The following IGF1R variants were observed in gnomAD, a reference collection of about 807,000 sequenced individuals.
The protein encoded by IGF1R is insulin like growth factor 1 receptor.
Under a neutral mutation model 144.6 loss-of-function variants are expected in IGF1R, and 44 were observed. That is an observed-to-expected ratio of 0.30 (90% confidence interval 0.24 to 0.39). The LOEUF (loss-of-function observed/expected upper bound fraction) is 0.39, where lower values mean the gene tolerates loss of function less well. Among genes scored for constraint, IGF1R ranks in the 10% least tolerant of loss-of-function variants. The pLI is 1.00. For synonymous variants in IGF1R, 795 were observed against 722.8 expected (o/e 1.10, Z -1.60); for missense variants, 1,355 against 1,833.7 (o/e 0.74, Z 4.77).
At chr15:98,837,625 GCCAAGGT>G (rs1167160867) in intron 2 of IGF1R, among the ~76,000 whole-genome samples, 10 of 150,882 alleles carry the variant, frequency 6.6e-5, no homozygotes, top group African/African-American at 2.4e-4. Flanking sequence ...ACCACAACTG[GCCAAGGT>G]CCTGTTTCTC....
chr15:98,894,788 C>T (rs556969683), intron 3 of IGF1R, among the ~76,000 whole-genome samples: 6 of 152,242 alleles, frequency 3.9e-5, no homozygotes, highest in African/African-American at 1.2e-4. Flanking sequence ...CCTATCTCAG[C>T]ACCTTGGGAG....
intron 2 of IGF1R, among the ~76,000 whole-genome samples, chr15:98,806,927 G>A (rs1317505443): frequency 6.6e-6 from 1 of 152,138 alleles, no homozygotes. Context: ...TTGGGAGGCC[G>A]AGGTGGATAG....
chr15:98,837,473 G>T (rs552430012), intron 2 of IGF1R, among the ~76,000 whole-genome samples: 1 of 151,956 alleles, frequency 6.6e-6, no homozygotes, highest in Non-Finnish European at 1.5e-5. Flanking sequence ...TCTCCTGACC[G>T]CCCACCTCGG....
At position 98,649,092 on chromosome 15, in the gene IGF1R, C is replaced by T. The variant is rs938679722; in HGVS notation, c.-490C>T. ...TTGACTCCGCGTTTCTGCCCCTCGC[C>T]GGCCTCGCCTGTGACCCGGACTTCG... is the stretch of plus-strand genomic sequence containing the variant. On this transcript the variant is annotated 5_prime_UTR_variant, in exon 1 of 21. Coordinates refer to ENST00000650285, the MANE Select transcript of IGF1R (RefSeq NM_000875.5). 116 of 219,254 alleles carry T rather than the reference C, an allele frequency of 5.3e-4. No homozygotes were observed. Among genetic ancestry groups the T allele is most frequent in the Non-Finnish European group, 9.0e-4 (98 of 109,298 alleles). The allele number at this position is 219,254 out of a possible 1,614,324, so 13.6% of individuals were successfully genotyped here.
In IGF1R at chr15:98,959,229, A is replaced by G. The variant is rs924668833; in HGVS notation, c.*1787A>G. The G allele has an allele frequency of 1.3e-5, 3 of 233,490 alleles. No homozygotes were observed. Among genetic ancestry groups the G allele is most frequent in the African/African-American group, 6.6e-5 (3 of 45,338 alleles). The allele number at this position is 233,490 out of a possible 1,614,324, so 14.5% of individuals were successfully genotyped here. ...TATTTTTTTAATTCTTGGGTACAAC[A>G]GCAGTGTTAACCGCAGACACTAGGC... On this transcript the variant is annotated 3_prime_UTR_variant, in exon 21 of 21. Coordinates refer to ENST00000650285, the MANE Select transcript of IGF1R (RefSeq NM_000875.5).
chr15:98,749,737 G>C (rs1028780669), intron 2 of IGF1R, among the ~76,000 whole-genome samples: 7 of 152,336 alleles, frequency 4.6e-5, no homozygotes, highest in African/African-American at 1.7e-4. Context: ...TTGCCTAAGA[G>C]ATTCGATTTG....
intron 5 of IGF1R, among the ~76,000 whole-genome samples, chr15:98,901,907 G>C (rs1054295412): frequency 2.6e-5 from 4 of 152,230 alleles, no homozygotes; most frequent in African/African-American, 9.6e-5. Context: ...TAACACTGGA[G>C]AGGTGGGTGG....
At chr15:98,910,323 G>A (rs1207653606) in intron 6 of IGF1R, among the ~76,000 whole-genome samples, 1 of 152,238 alleles carries the variant, frequency 6.6e-6, no homozygotes, top group Non-Finnish European at 1.5e-5. Flanking sequence ...TGACCTGTCA[G>A]ATCATAATAC....
chr15:98,676,183 C>G (rs1378484494), intron 1 of IGF1R, among the ~76,000 whole-genome samples: 3 of 152,030 alleles, frequency 2.0e-5, no homozygotes, highest in African/African-American at 7.2e-5. Flanking sequence ...CTCTGTTGCC[C>G]AAGCTGGAGT....
intron 1 of IGF1R, among the ~76,000 whole-genome samples, chr15:98,671,597 A>G (rs531252446): frequency 6.6e-6 from 1 of 152,312 alleles, no homozygotes; most frequent in South Asian, 2.1e-4. Context: ...AAGATTCAGA[A>G]AATAATGCAA....
chr15:98,676,201 C>T (rs756919044), intron 1 of IGF1R, among the ~76,000 whole-genome samples: 4 of 151,916 alleles, frequency 2.6e-5, no homozygotes, highest in Admixed American at 1.3e-4. Context: ...AGTGCAGTGG[C>T]GCCATCTCGG....
At chr15:98,914,781 C>T (rs1006924340) in intron 8 of IGF1R, among the ~76,000 whole-genome samples, 11 of 152,162 alleles carry the variant, frequency 7.2e-5, no homozygotes, top group East Asian at 1.9e-4. Context: ...TTACACGCAG[C>T]GGAGACAGAC....
intron 2 of IGF1R, among the ~76,000 whole-genome samples, chr15:98,812,438 T>C (rs1206060413): frequency 6.6e-6 from 1 of 151,720 alleles, no homozygotes; most frequent in Non-Finnish European, 1.5e-5. Context: ...TTCACTGCAA[T>C]CTCCGCCTCC....
chr15:98,781,638 T>A (rs2055863539), intron 2 of IGF1R, among the ~76,000 whole-genome samples: 1 of 152,226 alleles, frequency 6.6e-6, no homozygotes, highest in South Asian at 2.1e-4. Flanking sequence ...TTTAGCCTTT[T>A]TTGGTAAATA....
chr15:98,868,544 C>T (rs2012594617), intron 2 of IGF1R, among the ~76,000 whole-genome samples: 2 of 152,046 alleles, frequency 1.3e-5, no homozygotes, highest in South Asian at 4.1e-4. Context: ...GAGAATTACG[C>T]TAGAAAACTC....
At position 98,957,655 on chromosome 15, in the gene IGF1R, C is replaced by G. The variant is rs750280890; in HGVS notation, c.*213C>G. 1 of 622,952 alleles carries G rather than the reference C, an allele frequency of 1.6e-6. No homozygotes were observed. The highest frequency in any genetic ancestry group is 2.8e-5 in the Admixed American group (1 of 36,050). The allele number at this position is 622,952 out of a possible 1,614,324, so 38.6% of individuals were successfully genotyped here. On this transcript the variant is annotated 3_prime_UTR_variant, in exon 21 of 21. Transcript: ENST00000650285. ...TATGCAAGCAGCTTTTTATTCCCTG[C>G]CCAAACCCTTAACTGACATGGGCCT... is the stretch of plus-strand genomic sequence containing the variant.
At chr15:98,943,469 C>G (rs2016439282) in intron 19 of IGF1R, among the ~76,000 whole-genome samples, 1 of 152,150 alleles carries the variant, frequency 6.6e-6, no homozygotes. Flanking sequence ...TTATTTAGAC[C>G]CAAAGCTTAT....
At chr15:98,710,668 C>CTTTTTTTTTT (rs34054503) in intron 2 of IGF1R, among the ~76,000 whole-genome samples, 1 of 140,128 alleles carries the variant, frequency 7.1e-6, no homozygotes, top group Non-Finnish European at 1.5e-5. Flanking sequence ...CCTTTTTATT[C>CTTTTTTTTTT]TTTTTTTTTT....
chr15:98,811,931 TAA>T (rs1275150421), intron 2 of IGF1R, among the ~76,000 whole-genome samples: 1 of 151,990 alleles, frequency 6.6e-6, no homozygotes, highest in Non-Finnish European at 1.5e-5. Context: ...TCAAAAAAAA[TAA>T]GTCAACTATC....
Sources: allele counts gnomAD v4.1 joint callset (sites outside exome capture counted in the v4.1 genomes callset), GRCh38; gene constraint gnomAD v4.1.1; transcripts MANE v1.5; gene names NCBI Gene and HGNC (gene_info 2026-07-23, HGNC 2026-07-21).